Variants in EPS8 observed in about 807,000 individuals in gnomAD.
EPS8 encodes epidermal growth factor receptor kinase substrate 8.
A neutral mutation model predicts 103.8 loss-of-function variants in EPS8; 42 were observed. The ratio of observed to expected loss-of-function variants is 0.40; its 90% CI spans 0.32 to 0.52. The LOEUF is 0.52. Among genes scored for constraint, EPS8 ranks in the 20% least tolerant of loss-of-function variants. EPS8 has a pLI of 0.40. For synonymous variants in EPS8, 344 were observed against 344.6 expected (o/e 1.00, Z 0.02); for missense variants, 969 against 1,005.1 (o/e 0.96, Z 0.49).
In EPS8 at chr12:15,784,578, C is replaced by CA. The variant is rs1947291425; in HGVS notation, c.-22+4582dup. Among the ~76,000 whole-genome samples, 2 of 152,118 alleles carry CA rather than the reference C, an allele frequency of 1.3e-5. No homozygotes were observed. Among genetic ancestry groups the CA allele is most frequent in the African/African-American group, 4.8e-5 (2 of 41,440 alleles). On this transcript the variant is annotated intron_variant, in intron 1 of 20. Transcript: ENST00000281172. The surrounding 1 kb of genome is among the most constrained non-coding windows in gnomAD (Gnocchi z 4.0). ...ACAGCCACTTCGGAAAACAGTTTGG[C>CA]AATTTCTTACAAAGCTAACCATAAT...
Position 15,752,744 on chromosome 12 carries a change from A to G in EPS8, c.-22+36417T>C, listed in dbSNP as rs1316253536. On this transcript the variant is annotated intron_variant, in intron 1 of 20. Coordinates refer to ENST00000281172, the MANE Select transcript of EPS8 (RefSeq NM_004447.6). The surrounding 1 kb of genome is among the most constrained non-coding windows in gnomAD (Gnocchi z 4.4). ...GATATTAATAATGATGATGTTGGTC[A>G]TGATAAAAATAGTAGGAAAATTAAT... is the stretch of plus-strand genomic sequence containing the variant. Among the ~76,000 whole-genome samples, 1 of 152,186 alleles carries G rather than the reference A, an allele frequency of 6.6e-6. No individual in the cohort carries two copies. Among genetic ancestry groups the G allele is most frequent in the African/African-American group, 2.4e-5 (1 of 41,422 alleles).
Position 15,749,476 on chromosome 12 carries a change from T to C in EPS8, c.-22+39685A>G, listed in dbSNP as rs750952885. ...ATTTGCCTAATGAATAAATCATTTATTGTAATTTGTTTCCAAGATATATGT... is the reference window on the plus strand; with the variant it reads ...ATTTGCCTAATGAATAAATCATTTACTGTAATTTGTTTCCAAGATATATGT... On this transcript the variant is annotated intron_variant, in intron 1 of 20. Coordinates refer to ENST00000281172, the MANE Select transcript of EPS8 (RefSeq NM_004447.6). The surrounding 1 kb of genome is among the most constrained non-coding windows in gnomAD (Gnocchi z 4.0). Among the ~76,000 whole-genome samples the C allele has an allele frequency of 6.6e-5, 10 of 152,328 alleles. No individual in the cohort carries two copies. The South Asian group carries it at 1.2e-3, about 19-fold the overall frequency.
intron 14 of EPS8, 75 bp downstream of exon 14, chr12:15,650,748 C>G: frequency 8.1e-7 from 1 of 1,234,532 alleles, no homozygotes; most frequent in East Asian, 2.3e-5. Context: ...AAAATGAGAA[C>G]TTGCAATCAG....
In EPS8 at chr12:15,640,836, T is replaced by A; in HGVS notation, c.1688A>T (p.Asp563Val). The A allele has an allele frequency of 6.2e-7, 1 of 1,613,656 alleles. No individual in the cohort carries two copies. The highest frequency in any genetic ancestry group is 8.5e-7 in the Non-Finnish European group (1 of 1,179,820). ...TCGAACTTTCCACCATTGCTTCCGA[T>A]CATCAAGTATCTGTCATGTACAAGA... The part of the protein sequence containing the change: ...LKDDILEILD[D>V]RKQWWKVRNA... Residue 563 changes from aspartate to valine, a missense_variant, in exon 17 of 21, where the codon GAT becomes GTT. Coordinates refer to ENST00000281172, the MANE Select transcript of EPS8 (RefSeq NM_004447.6).
rs1380352040 is a variant in EPS8 at position 15,757,920 on chromosome 12, C to T, written c.-22+31241G>A. ...GAATTCTGACAGATCTCAGCTGGAA[C>T]AGCTATCTGCTCCTCATGCCTACTC... On this transcript the variant is annotated intron_variant, in intron 1 of 20. Coordinates refer to ENST00000281172, the MANE Select transcript of EPS8 (RefSeq NM_004447.6). The surrounding 1 kb of genome is among the most constrained non-coding windows in gnomAD (Gnocchi z 4.1). Among the ~76,000 whole-genome samples the T allele has an allele frequency of 1.3e-5, 2 of 152,340 alleles. No homozygotes were observed. Among genetic ancestry groups the T allele is most frequent in the South Asian group, 4.1e-4 (2 of 4,828 alleles).
intron 1 of EPS8, among the ~76,000 whole-genome samples, chr12:15,715,937 A>T (rs2135968201): frequency 6.6e-6 from 1 of 152,294 alleles, no homozygotes; most frequent in South Asian, 2.1e-4. Context: ...GAAGAGGATA[A>T]TAATATTAAG....
chr12:15,669,851 A>C (rs376236403), intron 4 of EPS8, 26 bp from the exon 5 acceptor site: 1 of 1,557,122 alleles, frequency 6.4e-7, no homozygotes, highest in African/African-American at 1.4e-5. Flanking sequence ...AAGGAAAAAG[A>C]TTTATAACAC....
intron 1 of EPS8, among the ~76,000 whole-genome samples, chr12:15,770,834 T>G (rs1947146648): frequency 6.6e-6 from 1 of 152,052 alleles, no homozygotes; most frequent in African/African-American, 2.4e-5. Context: ...ATATTGAGAG[T>G]TGGGATGTTA....
In EPS8 at chr12:15,742,412, G is replaced by T. The variant is rs546961239; in HGVS notation, c.-22+46749C>A. On this transcript the variant is annotated intron_variant, in intron 1 of 20. Coordinates refer to ENST00000281172, the MANE Select transcript of EPS8 (RefSeq NM_004447.6). ...CTTTTTAATGATTGCCATTCTAACTGCTGTGAGATGGTATCTCACTGTGGT... is the reference window on the plus strand; with the variant it reads ...CTTTTTAATGATTGCCATTCTAACTTCTGTGAGATGGTATCTCACTGTGGT... 2.2e-4 allele frequency among the ~76,000 whole-genome samples: 33 copies of T among 152,270 alleles called. 2 individuals are homozygous for T. Among genetic ancestry groups the T allele is most frequent in the African/African-American group, 7.9e-4 (33 of 41,556 alleles).
intron 4 of EPS8, 58 bp from the exon 5 acceptor site, chr12:15,669,883 T>G (rs1348432030): frequency 7.7e-7 from 1 of 1,301,422 alleles, no homozygotes; most frequent in African/African-American, 1.5e-5. Context: ...TACAACCTCT[T>G]AGTATACATT....
rs951367869 is a variant in EPS8, at chr12:15,640,689, G to A, written c.1821+14C>T. ...ATGTGTACATACTACATTTTACTAA[G>A]AAATCATGCTCACCTGTATAGTATG... On this transcript the variant is annotated intron_variant, in intron 17 of 20. Coordinates refer to ENST00000281172, the MANE Select transcript of EPS8 (RefSeq NM_004447.6). 1.2e-6 allele frequency: 2 copies of A among 1,610,824 alleles called. No homozygotes were observed. Among genetic ancestry groups the A allele is most frequent in the African/African-American group, 2.7e-5 (2 of 74,810 alleles).
intron 1 of EPS8, among the ~76,000 whole-genome samples, chr12:15,783,861 A>T (rs1175382583): frequency 6.6e-6 from 1 of 152,140 alleles, no homozygotes; most frequent in East Asian, 1.9e-4. Context: ...AACATGTAAT[A>T]AAAATTTTAA....
At chr12:15,667,963 A>G (rs1189880624) in intron 6 of EPS8, among the ~76,000 whole-genome samples, 1 of 152,270 alleles carries the variant, frequency 6.6e-6, no homozygotes, top group East Asian at 1.9e-4. Context: ...CAGCATAGTA[A>G]CTTTTAGCTC....
At chr12:15,646,296 A>G (rs2135772452) in intron 15 of EPS8, among the ~76,000 whole-genome samples, 2 of 152,334 alleles carry the variant, frequency 1.3e-5, no homozygotes, top group South Asian at 4.1e-4. Context: ...AGATTATATT[A>G]AGAAAAGAGT....
In EPS8 at chr12:15,660,709, T is replaced by A. The variant is rs756995241; in HGVS notation, c.842A>T (p.Glu281Val). The A allele has an allele frequency of 6.2e-7, 1 of 1,608,846 alleles. No homozygotes were observed. Among genetic ancestry groups the A allele is most frequent in the African/African-American group, 1.3e-5 (1 of 74,864 alleles). The change falls in exon 10 of 21, where the codon GAA becomes GTA. Residue 281 changes from glutamate (E) to valine (V), a missense_variant. By Grantham distance (121) the Glu-to-Val change is moderately radical. Transcript: ENST00000281172. ...QILNHILDDIEFFITKLQKAA... is the reference protein window; with the variant it reads ...QILNHILDDIVFFITKLQKAA... ...TTTTTGGAGTTTTGTGATAAAAAAT[T>A]CAATGTCATCCAAAATGTGGTTTAA...
chr12:15,773,089 G>A lies in EPS8; in HGVS notation c.-22+16072C>T, dbSNP rs77274810. 4.4e-3 allele frequency among the ~76,000 whole-genome samples: 664 copies of A among 152,248 alleles called. 2 individuals are homozygous for A. Among genetic ancestry groups the A allele is most frequent in the South Asian group, 0.012 (59 of 4,826 alleles). On this transcript the variant is annotated intron_variant, in intron 1 of 20. Transcript: ENST00000281172. ...AAGCTTCTCTTCAAGAATCTTAGGT[G>A]GAAACAAGACAGAAATAAGGCAGCA...
chr12:15,641,552 A>G (rs1201310919), intron 16 of EPS8, among the ~76,000 whole-genome samples, 170 bp downstream of exon 16: 2 of 152,104 alleles, frequency 1.3e-5, no homozygotes, highest in African/African-American at 4.8e-5. Flanking sequence ...TTCTAAAGCT[A>G]TCCCCTTAGA....
At chr12:15,633,418 A>G (rs1203852347) in intron 17 of EPS8, among the ~76,000 whole-genome samples, 1 of 152,196 alleles carries the variant, frequency 6.6e-6, no homozygotes, top group Non-Finnish European at 1.5e-5. Context: ...AGTTTCAATT[A>G]TTGTTTTTAA....
chr12:15,639,425 C>A (rs1431427083), intron 17 of EPS8, among the ~76,000 whole-genome samples: 1 of 152,108 alleles, frequency 6.6e-6, no homozygotes, highest in Non-Finnish European at 1.5e-5. Flanking sequence ...GGAGACCATA[C>A]CTTGAATAAC....
Sources: gnomAD v4.1 joint callset for allele counts (sites outside exome capture counted in the v4.1 genomes callset) on GRCh38, gnomAD v4.1.1 for gene constraint, Gnocchi (gnomAD v3.1) non-coding constraint, MANE v1.5 for transcripts, NCBI Gene and HGNC (gene_info 2026-07-23, HGNC 2026-07-21) for gene names.